The following ADAMTS18 variants were observed in gnomAD, a reference collection of about 807,000 sequenced individuals.
ADAMTS18 encodes the protein A disintegrin and metalloproteinase with thrombospondin motifs 18.
A neutral mutation model predicts 165.9 loss-of-function variants in ADAMTS18; 157 were observed. That is an observed-to-expected ratio of 0.95 (90% CI 0.83 to 1.08). ADAMTS18 has a LOEUF of 1.08. ADAMTS18 is among the 50% of genes least tolerant of loss of function. The probability of loss-of-function intolerance (pLI) is 0.00; values close to 1 mark genes in which losing one functional copy is unlikely to be tolerated. For synonymous variants in ADAMTS18, 782 were observed against 578.2 expected (o/e 1.35, Z -5.06); for missense variants, 2,040 against 1,534.0 (o/e 1.33, Z -5.51).
chr16:77,334,994 A>G (rs1160431886), intron 12 of ADAMTS18, among the ~76,000 whole-genome samples: 5 of 143,524 alleles, frequency 3.5e-5, no homozygotes, highest in Non-Finnish European at 7.5e-5. Flanking sequence ...TAGTATATAT[A>G]CTGTATATTA....
intron 3 of ADAMTS18, among the ~76,000 whole-genome samples, chr16:77,382,260 G>C (rs187026891): frequency 6.6e-5 from 10 of 152,170 alleles, no homozygotes; most frequent in African/African-American, 2.4e-4. Flanking sequence ...GCCCAGGCTG[G>C]AGTGCAGTGG....
intron 3 of ADAMTS18, among the ~76,000 whole-genome samples, chr16:77,422,288 G>A (rs188733486): frequency 1.1e-4 from 17 of 152,100 alleles, no homozygotes; most frequent in African/African-American, 3.6e-4. Context: ...ATTATATAGG[G>A]TCCACCTGTG....
At chr16:77,365,829 T>C (rs2056785411) in intron 4 of ADAMTS18, among the ~76,000 whole-genome samples, 1 of 152,196 alleles carries the variant, frequency 6.6e-6, no homozygotes, top group Non-Finnish European at 1.5e-5. Flanking sequence ...TTATTTAGAG[T>C]TAGATTTAAA....
Position 77,364,290 on chromosome 16 carries a change from T to A in ADAMTS18, c.870A>T (p.Gln290His), listed in dbSNP as rs775751553. ...GRPRRSAGKS[Q>H]KGLNVETLVV... Reference sequence around the variant, plus strand: ...CGAGGGTTTCCACATTGAGGCCCTTTTGTGATTTTCCAGCTGATCTTCTGG... The same window carrying A: ...CGAGGGTTTCCACATTGAGGCCCTTATGTGATTTTCCAGCTGATCTTCTGG... The change falls in exon 5 of 23, where the codon CAA becomes CAT. Residue 290 changes from glutamine to histidine, a missense_variant. Transcript: ENST00000282849. 3.1e-6 allele frequency: 5 copies of A among 1,613,952 alleles called. No individual in the cohort carries two copies. The highest frequency in any genetic ancestry group is 2.2e-5 in the South Asian group (2 of 91,070).
chr16:77,321,810 ATAAAC>A (rs1330272852), intron 14 of ADAMTS18, among the ~76,000 whole-genome samples: 1 of 152,198 alleles, frequency 6.6e-6, no homozygotes, highest in Admixed American at 6.5e-5. Context: ...AGAGTAAAAA[ATAAAC>A]TAAAATAATT....
intron 3 of ADAMTS18, among the ~76,000 whole-genome samples, chr16:77,375,900 T>A: frequency 4.3e-5 from 1 of 23,306 alleles, no homozygotes. Flanking sequence ...CTTTTTTTTT[T>A]TTTTTTTTTT....
intron 22 of ADAMTS18, among the ~76,000 whole-genome samples, chr16:77,284,345 C>T (rs2055207443): frequency 6.6e-6 from 1 of 152,102 alleles, no homozygotes; most frequent in Non-Finnish European, 1.5e-5. Flanking sequence ...CCAGGCTGGT[C>T]TCAAATTCCT....
intron 3 of ADAMTS18, among the ~76,000 whole-genome samples, chr16:77,400,175 A>G (rs2057307014): frequency 6.6e-6 from 1 of 152,112 alleles, no homozygotes; most frequent in Non-Finnish European, 1.5e-5. Context: ...CCCATTCCCT[A>G]TAGGCTCCTC....
At chr16:77,410,733 T>G (rs1405380615) in intron 3 of ADAMTS18, among the ~76,000 whole-genome samples, 1 of 152,068 alleles carries the variant, frequency 6.6e-6, no homozygotes, top group Non-Finnish European at 1.5e-5. Flanking sequence ...AATTGAGCAT[T>G]AGAAAGGAGA....
At chr16:77,370,763 GA>G (rs2056864836) in intron 3 of ADAMTS18, among the ~76,000 whole-genome samples, 1 of 149,472 alleles carries the variant, frequency 6.7e-6, no homozygotes, top group Non-Finnish European at 1.5e-5. Flanking sequence ...AAAAAACCAA[GA>G]AAACAATCCC....
rs1036508060 is a variant in ADAMTS18, at chr16:77,283,878, T to C, written c.*78A>G. ...CAGATGGTTCTCGGTGCTCAGCTCCTGGTCTCAAAGGCAGCTGGTCTCTCT... is the reference window on the plus strand; with the variant it reads ...CAGATGGTTCTCGGTGCTCAGCTCCCGGTCTCAAAGGCAGCTGGTCTCTCT... On this transcript the variant is annotated 3_prime_UTR_variant, in exon 23 of 23. Transcript: ENST00000282849. The C allele has an allele frequency of 6.2e-6, 7 of 1,122,748 alleles. No individual in the cohort carries two copies. The highest frequency in any genetic ancestry group is 9.5e-6 in the Non-Finnish European group (7 of 736,096). The allele number at this position is 1,122,748 out of a possible 1,614,324, so 69.5% of individuals were successfully genotyped here.
intron 11 of ADAMTS18, among the ~76,000 whole-genome samples, chr16:77,337,051 C>A (rs1232990559): frequency 6.6e-6 from 1 of 152,168 alleles, no homozygotes; most frequent in Non-Finnish European, 1.5e-5. Context: ...TGGTTGCTAG[C>A]GCACTCTATC....
At chr16:77,348,767 A>T (rs2056513429) in intron 10 of ADAMTS18, among the ~76,000 whole-genome samples, 4 of 152,236 alleles carry the variant, frequency 2.6e-5, no homozygotes, top group Admixed American at 2.6e-4. Context: ...AAAATGTATC[A>T]CAAGTTTATA....
chr16:77,425,296 A>T (rs1483278485), intron 3 of ADAMTS18, among the ~76,000 whole-genome samples: 1 of 152,160 alleles, frequency 6.6e-6, no homozygotes, highest in Admixed American at 6.5e-5. Context: ...ACCGAGTGAC[A>T]AAATTGGATG....
chr16:77,429,008 C>T (rs1404977634), intron 3 of ADAMTS18, among the ~76,000 whole-genome samples: 1 of 152,130 alleles, frequency 6.6e-6, no homozygotes, highest in Non-Finnish European at 1.5e-5. Context: ...TAAATTAGTT[C>T]AACCATTGTG....
At chr16:77,373,416 AC>A (rs2056904479) in intron 3 of ADAMTS18, among the ~76,000 whole-genome samples, 3 of 151,094 alleles carry the variant, frequency 2.0e-5, no homozygotes, top group Admixed American at 1.3e-4. Context: ...CTGAGATCAC[AC>A]CACTGCACTC....
rs2055275076 is a variant in ADAMTS18 at position 77,287,413 on chromosome 16, G to C, written c.3550+1851C>G. Among the ~76,000 whole-genome samples the C allele has an allele frequency of 2.0e-5, 3 of 152,064 alleles. No individual in the cohort carries two copies. In the South Asian group the frequency reaches 6.2e-4, roughly 32 times the overall value. ...AACTGTAGGCCACATTTTTGGGTCA[G>C]AACAAACACGTGGGCTCGTATCCTT... On this transcript the variant is annotated intron_variant, in intron 22 of 22. Transcript: ENST00000282849.
chr16:77,407,167 A>C (rs953637526), intron 3 of ADAMTS18, among the ~76,000 whole-genome samples: 1 of 152,150 alleles, frequency 6.6e-6, no homozygotes, highest in African/African-American at 2.4e-5. Flanking sequence ...ATAAGAGTCT[A>C]TATACAAAAA....
At chr16:77,428,915 C>G (rs185079493) in intron 3 of ADAMTS18, among the ~76,000 whole-genome samples, 1 of 152,266 alleles carries the variant, frequency 6.6e-6, no homozygotes, top group Non-Finnish European at 1.5e-5. Flanking sequence ...AGGCATGTAT[C>G]CAACAGAATG....
Sources: allele counts gnomAD v4.1 joint callset (sites outside exome capture counted in the v4.1 genomes callset), GRCh38; gene constraint gnomAD v4.1.1; transcripts MANE v1.5; gene names NCBI Gene and HGNC (gene_info 2026-07-23, HGNC 2026-07-21).